The following SHPRH variants were observed in gnomAD, a reference collection of about 807,000 sequenced individuals.
SHPRH encodes the protein SNF2 histone linker PHD RING helicase, also known as E3 ubiquitin-protein ligase SHPRH.
SHPRH carries 106 observed loss-of-function variants against 202.5 expected under a neutral mutation model. That is an observed-to-expected ratio of 0.52 (90% CI 0.45 to 0.62). The LOEUF is 0.62. SHPRH is among the 20% of genes least tolerant of loss of function. SHPRH has a pLI of 0.00. For missense variants in SHPRH, 1,710 were observed against 2,020.0 expected (o/e 0.85, Z 2.94); for synonymous variants, 729 against 686.0 (o/e 1.06, Z -0.98).
intron 11 of SHPRH, among the ~76,000 whole-genome samples, chr6:145,937,893 AT>A (rs1055917809): frequency 1.3e-5 from 2 of 152,038 alleles, no homozygotes; most frequent in African/African-American, 4.8e-5. Flanking sequence ...AGAACAAACT[AT>A]TTTTTTAATG....
At chr6:145,940,936 G>T in intron 10 of SHPRH, 135 bp from the exon 11 acceptor site, 1 of 778,788 alleles carries the variant, frequency 1.3e-6, no homozygotes, top group Non-Finnish European at 2.1e-6. Flanking sequence ...TTATTTAACA[G>T]TTATCACACT....
At chr6:145,953,133 T>C (rs1788154866) in intron 2 of SHPRH, among the ~76,000 whole-genome samples, 2 of 152,090 alleles carry the variant, frequency 1.3e-5, no homozygotes, top group Admixed American at 1.3e-4. Flanking sequence ...TTTCTAATGG[T>C]AGACACTCAA....
downstream of SHPRH, among the ~76,000 whole-genome samples, chr6:145,881,314 C>T (rs1224997771): frequency 1.3e-5 from 2 of 152,164 alleles, no homozygotes; most frequent in Non-Finnish European, 2.9e-5. Flanking sequence ...AATTAACTTA[C>T]AGTTCCTCAT....
At chr6:145,945,672 T>C (rs1467201611) in intron 7 of SHPRH, 35 bp from the exon 8 acceptor site, 16 of 1,542,328 alleles carry the variant, frequency 1.0e-5, no homozygotes, top group Non-Finnish European at 1.3e-5. Context: ...TCAGTCAAAA[T>C]AATTAAAATG....
intron 23 of SHPRH, among the ~76,000 whole-genome samples, chr6:145,916,585 C>T (rs1783972503): frequency 6.6e-6 from 1 of 151,950 alleles, no homozygotes; most frequent in Non-Finnish European, 1.5e-5. Context: ...AGATTAAATG[C>T]TTTTTCTTTT....
At chr6:145,900,622 C>T (rs1051611699) in intron 25 of SHPRH, among the ~76,000 whole-genome samples, 1 of 152,020 alleles carries the variant, frequency 6.6e-6, no homozygotes, top group Non-Finnish European at 1.5e-5. Context: ...ATACCATTGT[C>T]CCTTGGTATT....
intron 2 of SHPRH, among the ~76,000 whole-genome samples, chr6:145,864,968 C>CAT (rs1779711813): frequency 6.6e-6 from 1 of 151,820 alleles, no homozygotes; most frequent in African/African-American, 2.4e-5. Flanking sequence ...CACACACACA[C>CAT]ACACACACAC....
intron 8 of SHPRH, among the ~76,000 whole-genome samples, chr6:145,944,136 T>C (rs1787106154): frequency 6.6e-6 from 1 of 152,160 alleles, no homozygotes; most frequent in Non-Finnish European, 1.5e-5. Context: ...TACATAAATA[T>C]ACAAATCAGG....
chr6:145,955,880 C>A (rs1788455210), intron 1 of SHPRH, among the ~76,000 whole-genome samples: 1 of 151,990 alleles, frequency 6.6e-6, no homozygotes, highest in African/African-American at 2.4e-5. Context: ...AACAAACATT[C>A]AAACAGCTAC....
chr6:145,876,627 A>G (rs1344469766), intron 2 of SHPRH: 2 of 152,192 alleles, frequency 1.3e-5, no homozygotes, highest in Non-Finnish European at 2.9e-5. Flanking sequence ...ATGCTGCTAT[A>G]AATATTCACA....
chr6:145,950,390 G>A lies in SHPRH; in HGVS notation c.856C>T (p.Gln286Ter). 1 of 1,613,322 alleles carries A rather than the reference G, an allele frequency of 6.2e-7. No homozygotes were observed. The highest frequency in any genetic ancestry group is 8.5e-7 in the Non-Finnish European group (1 of 1,179,468). Residue 286 changes from glutamine to a stop codon, truncating the protein, a stop_gained, in exon 4 of 30, where the codon CAA (glutamine) becomes TAA (stop). Coordinates refer to ENST00000275233, the MANE Select transcript of SHPRH (RefSeq NM_001042683.3). LOFTEE classifies it high-confidence loss of function. ...TCCACTTGGATGGACTGCGTTTCTTGCTGATGTGTTTGTTTCACAAAGTGA... is the reference window on the plus strand; with the variant it reads ...TCCACTTGGATGGACTGCGTTTCTTACTGATGTGTTTGTTTCACAAAGTGA... Reference protein sequence around the residue: ...LYHFVKQTHQQETQSIQVDVQ... With the variant: ...LYHFVKQTHQ
intron 25 of SHPRH, chr6:145,908,183 G>A (rs1783149322): frequency 6.6e-6 from 1 of 151,990 alleles, no homozygotes; most frequent in Non-Finnish European, 1.5e-5. Flanking sequence ...ATTTGGATTG[G>A]TTCCATATAT....
In SHPRH at chr6:145,955,002, A is replaced by G; in HGVS notation, c.321T>C (p.His107=). The G allele has an allele frequency of 5.0e-6, 8 of 1,613,720 alleles. No homozygotes were observed. The highest frequency in any genetic ancestry group is 2.2e-5 in the East Asian group (1 of 44,868). ...VKLNIVISPY[H]FDNSWKAFLG... ...GAAATGCTTTCCAGGAATTATCAAA[A>G]TGATAGGGAGAAATCACAATATTTA... Residue 107 remains histidine (H), a synonymous_variant, in exon 2 of 30, where the codon CAT becomes CAC. Coordinates refer to ENST00000275233, the MANE Select transcript of SHPRH (RefSeq NM_001042683.3).
chr6:145,934,209 C>T (rs1044805591), intron 13 of SHPRH, among the ~76,000 whole-genome samples: 2 of 151,928 alleles, frequency 1.3e-5, no homozygotes, highest in African/African-American at 4.8e-5. Context: ...TGGTGGCTCA[C>T]GCCTGTAATC....
intron 2 of SHPRH, among the ~76,000 whole-genome samples, chr6:145,872,033 A>C (rs1780079952): frequency 6.6e-6 from 1 of 152,218 alleles, no homozygotes; most frequent in African/African-American, 2.4e-5. Flanking sequence ...TACGCCTTAC[A>C]CAAAAATCAA....
In SHPRH at chr6:145,894,164, C is replaced by T. The variant is rs949389275; in HGVS notation, c.4681G>A (p.Val1561Ile). ...NNMEFAQISRVKTFQENLSAF... is the reference protein window; with the variant it reads ...NNMEFAQISRIKTFQENLSAF... ...TCTTAACATACCTGAAATGTCTTAACACGACTGATTTGTGCAAATTCCATG... is the reference window on the plus strand; with the variant it reads ...TCTTAACATACCTGAAATGTCTTAATACGACTGATTTGTGCAAATTCCATG... The change falls in exon 27 of 30, where the codon GTT (valine) becomes ATT (isoleucine). Residue 1561 changes from valine (V) to isoleucine (I), a missense_variant. Around this residue, in one of 8 missense-constraint regions of SHPRH, gnomAD observed 306 missense variants for 479.5 expected, o/e 0.64. Coordinates refer to ENST00000275233, the MANE Select transcript of SHPRH (RefSeq NM_001042683.3). 6.2e-7 allele frequency: 1 copy of T among 1,603,140 alleles called. No individual in the cohort carries two copies. Among genetic ancestry groups the T allele is most frequent in the Non-Finnish European group, 8.5e-7 (1 of 1,176,082 alleles).
At position 145,941,842 on chromosome 6, in the gene SHPRH, T is replaced by C; in HGVS notation, c.2271A>G (p.Leu757=). 6.2e-7 allele frequency: 1 copy of C among 1,613,876 alleles called. No homozygotes were observed. Among genetic ancestry groups the C allele is most frequent in the Non-Finnish European group, 8.5e-7 (1 of 1,179,904 alleles). Residue 757 remains leucine, a synonymous_variant, in exon 10 of 30, where the codon TTA becomes TTG. Transcript: ENST00000275233. ...CCTGTTCTGCCAAAAAATGAGGTTG[T>C]AAAAAGCCATCTTTCTTCACTCCTT... ...VYQGVKKDGF[L]QPHFLAEQDI...
chr6:145,866,476 T>C (rs1206778685), intron 2 of SHPRH, among the ~76,000 whole-genome samples: 1 of 152,238 alleles, frequency 6.6e-6, no homozygotes, highest in Non-Finnish European at 1.5e-5. Flanking sequence ...TTATCTACTT[T>C]TGTTTTCCTA....
At chr6:145,920,527 A>G (rs1055223520) in intron 21 of SHPRH, among the ~76,000 whole-genome samples, 1 of 151,528 alleles carries the variant, frequency 6.6e-6, no homozygotes, top group Non-Finnish European at 1.5e-5. Flanking sequence ...TCCTACTTTA[A>G]AAAGCAAGAC....
Sources: gnomAD v4.1 joint callset for allele counts (sites outside exome capture counted in the v4.1 genomes callset) on GRCh38, gnomAD v4.1.1 for gene constraint, gnomAD v4.1.1 regional missense constraint, MANE v1.5 for transcripts, NCBI Gene and HGNC (gene_info 2026-07-23, HGNC 2026-07-21) for gene names.